The following SYT9 variants were observed in gnomAD, a reference collection of about 807,000 sequenced individuals.
SYT9 encodes synaptotagmin-9.
Under a neutral mutation model 48.4 loss-of-function variants are expected in SYT9, and 22 were observed. That is an observed-to-expected ratio of 0.45 (90% CI 0.32 to 0.65). SYT9 has a LOEUF of 0.65. Ranked by LOEUF, SYT9 falls within the 30% of genes least tolerant of loss-of-function variation. The pLI, the probability that SYT9 is intolerant of heterozygous loss-of-function variation, is 0.03. For synonymous variants in SYT9, 265 were observed against 245.0 expected, an observed-to-expected ratio of 1.08 and a Z score of -0.76; for missense variants, 577 against 622.0, an observed-to-expected ratio of 0.93 and a Z score of 0.77.
Position 7,468,819 on chromosome 11 carries a change from G to T in SYT9, c.*2019G>T, listed in dbSNP as rs1260429877. On this transcript the variant is annotated 3_prime_UTR_variant, in exon 7 of 7. Transcript: ENST00000318881. ...TAATGAGGATGCAACTGGCTTATTG[G>T]TATGAAATAGAAGGTGGCTTTGTAG... is the stretch of plus-strand genomic sequence containing the variant. 2 of 152,454 alleles carry T rather than the reference G, an allele frequency of 1.3e-5. No individual in the cohort carries two copies. The allele number at this position is 152,454 out of a possible 1,614,324, so 9.4% of individuals were successfully genotyped here.
intron 6 of SYT9, among the ~76,000 whole-genome samples, chr11:7,447,408 A>G (rs1847954256): frequency 6.6e-6 from 1 of 152,200 alleles, no homozygotes; most frequent in Admixed American, 6.5e-5. Context: ...GCCCCAGCAC[A>G]CAGGCCACTT....
intron 3 of SYT9, among the ~76,000 whole-genome samples, chr11:7,356,394 C>A (rs894446531): frequency 5.3e-5 from 8 of 152,324 alleles, no homozygotes; most frequent in African/African-American, 1.9e-4. Flanking sequence ...GAGCAATTAA[C>A]ATCAAGGCTG....
intron 3 of SYT9, among the ~76,000 whole-genome samples, chr11:7,413,047 G>C (rs1847168586): frequency 6.6e-6 from 1 of 152,302 alleles, no homozygotes; most frequent in Middle Eastern, 3.4e-3. Flanking sequence ...GCTATGATAG[G>C]TAGGAACAAG....
chr11:7,411,401 C>T (rs1847134652), intron 3 of SYT9, among the ~76,000 whole-genome samples: 1 of 152,072 alleles, frequency 6.6e-6, no homozygotes, highest in African/African-American at 2.4e-5. Context: ...TTTAGGACTT[C>T]TTTGGATATT....
At chr11:7,314,336 C>A (rs1447384912) in intron 3 of SYT9, 2 of 373,328 alleles carry the variant, frequency 5.4e-6, no homozygotes, top group East Asian at 7.2e-5. Flanking sequence ...ACTCTGACAG[C>A]AGTAGGTACT....
chr11:7,462,403 A>G (rs143511819), intron 6 of SYT9, among the ~76,000 whole-genome samples: 288 of 152,260 alleles, frequency 1.9e-3, no homozygotes, highest in Non-Finnish European at 3.6e-3. Context: ...TACTGGCCCA[A>G]TCTCCTGAAA....
At chr11:7,280,440 T>C (rs1410927030) in intron 1 of SYT9, among the ~76,000 whole-genome samples, 1 of 152,264 alleles carries the variant, frequency 6.6e-6, no homozygotes, top group Non-Finnish European at 1.5e-5. Context: ...TTTTTAATAT[T>C]GGAAGAATAT....
In SYT9 at chr11:7,280,716, A is replaced by C. The variant is rs1365941766; in HGVS notation, c.146-22323A>C. On this transcript the variant is annotated intron_variant, in intron 1 of 6. Transcript: ENST00000318881. ...AAGAGATGTGCAGTAGTGCATCAAT[A>C]TCTGGTATTTCCAGGTGGAGAAGAA... Among the ~76,000 whole-genome samples the C allele has an allele frequency of 2.0e-5, 3 of 152,194 alleles. No individual in the cohort carries two copies. The East Asian group carries it at 5.8e-4, about 29-fold the overall frequency.
intron 3 of SYT9, among the ~76,000 whole-genome samples, chr11:7,352,507 G>T (rs1023632239): frequency 6.6e-6 from 1 of 152,104 alleles, no homozygotes; most frequent in African/African-American, 2.4e-5. Flanking sequence ...ACAGTTTAAA[G>T]TTCAGAAATA....
chr11:7,437,441 T>TA (rs1263630112), intron 6 of SYT9, among the ~76,000 whole-genome samples: 4 of 152,188 alleles, frequency 2.6e-5, no homozygotes, highest in Non-Finnish European at 5.9e-5. Flanking sequence ...AAAAATAGAC[T>TA]ACTGGTCACA....
chr11:7,449,230 G>C (rs961117993), intron 6 of SYT9, among the ~76,000 whole-genome samples: 2 of 146,500 alleles, frequency 1.4e-5, no homozygotes, highest in African/African-American at 5.1e-5. Flanking sequence ...TATAATCCCA[G>C]CTACTCAGGA....
At chr11:7,318,290 CT>C (rs1256016885) in intron 3 of SYT9, among the ~76,000 whole-genome samples, 1 of 149,816 alleles carries the variant, frequency 6.7e-6, no homozygotes, top group Non-Finnish European at 1.5e-5. Flanking sequence ...AATATATCTT[CT>C]ATTTGGCAGT....
At chr11:7,241,962 A>G (rs1210058934) in intron 1 of SYT9, among the ~76,000 whole-genome samples, 2 of 152,256 alleles carry the variant, frequency 1.3e-5, no homozygotes, top group Non-Finnish European at 2.9e-5. Context: ...GACTTTGGGC[A>G]GGTGAATTAG....
intron 3 of SYT9, among the ~76,000 whole-genome samples, chr11:7,388,829 A>C (rs1850709052): frequency 1.3e-5 from 2 of 152,158 alleles, no homozygotes; most frequent in South Asian, 4.2e-4. Context: ...TCCTCATCTG[A>C]TCTAACATCT....
chr11:7,245,246 T>C (rs762393654), intron 1 of SYT9, among the ~76,000 whole-genome samples: 1 of 152,166 alleles, frequency 6.6e-6, no homozygotes, highest in Admixed American at 6.5e-5. Context: ...AATGGAAACA[T>C]AATGTGTGCC....
intron 2 of SYT9, among the ~76,000 whole-genome samples, chr11:7,305,163 A>G (rs1360959004): frequency 6.6e-6 from 1 of 152,240 alleles, no homozygotes; most frequent in Non-Finnish European, 1.5e-5. Context: ...GAAAAAAATT[A>G]AAAGGGAGAG....
intron 1 of SYT9, among the ~76,000 whole-genome samples, chr11:7,253,657 A>G (rs972291176): frequency 2.6e-5 from 4 of 152,132 alleles, no homozygotes; most frequent in African/African-American, 9.7e-5. Flanking sequence ...TTGAATGATC[A>G]TTGATATATT....
intron 3 of SYT9, among the ~76,000 whole-genome samples, chr11:7,382,380 G>C (rs1425205222): frequency 6.6e-6 from 1 of 152,134 alleles, no homozygotes; most frequent in African/African-American, 2.4e-5. Context: ...GGGCAATAGA[G>C]ATATGATGAC....
intron 1 of SYT9, among the ~76,000 whole-genome samples, chr11:7,291,202 T>C (rs1283144278): frequency 2.0e-5 from 3 of 152,172 alleles, no homozygotes; most frequent in Non-Finnish European, 2.9e-5. Context: ...TTATAGTCCA[T>C]GTAGGTCAGC....
Sources: allele counts gnomAD v4.1 joint callset (sites outside exome capture counted in the v4.1 genomes callset), GRCh38; gene constraint gnomAD v4.1.1; transcripts MANE v1.5; gene names NCBI Gene and HGNC (gene_info 2026-07-23, HGNC 2026-07-21).